LGR6: variants seen among roughly 807,000 people sequenced by gnomAD.
The protein encoded by LGR6 is leucine-rich repeat-containing G protein-coupled receptor 6.
Under a neutral mutation model 69.4 loss-of-function variants are expected in LGR6, and 45 were observed. That is an observed-to-expected ratio of 0.65 (90% CI 0.51 to 0.83). The LOEUF (loss-of-function observed/expected upper bound fraction) is 0.83. LGR6 is among the 40% of genes least tolerant of loss of function. The pLI is 0.00. For missense variants in LGR6, 1,108 were observed against 1,246.7 expected (o/e 0.89, Z 1.68); for synonymous variants, 538 against 555.0 (o/e 0.97, Z 0.43).
intron 1 of LGR6, among the ~76,000 whole-genome samples, chr1:202,202,307 A>G (rs1658866659): frequency 6.6e-6 from 1 of 152,102 alleles, no homozygotes; most frequent in African/African-American, 2.4e-5. Flanking sequence ...ACAGACACAC[A>G]CATACACAAA....
At position 202,212,546 on chromosome 1, in the gene LGR6, T is replaced by C. The variant is rs1222070273; in HGVS notation, c.213-12877T>C. On this transcript the variant is annotated intron_variant, in intron 1 of 17. Coordinates refer to ENST00000367278, the MANE Select transcript of LGR6 (RefSeq NM_001017403.2). ...TCAATGGCTCTAGGGGAGAACCCAC[T>C]GCGTGCCTCTTCCAGCTTCTCGTGG... Among the ~76,000 whole-genome samples, 3 of 152,242 alleles carry C rather than the reference T, an allele frequency of 2.0e-5. No individual in the cohort carries two copies. The East Asian group carries it at 5.8e-4, about 29-fold the overall frequency.
At chr1:202,309,782 A>AGTGAAG (rs1451349204) in intron 15 of LGR6, among the ~76,000 whole-genome samples, 2 of 152,252 alleles carry the variant, frequency 1.3e-5, no homozygotes, top group Non-Finnish European at 2.9e-5. Context: ...TGAGGGCCAG[A>AGTGAAG]GTGAAGAATC....
At chr1:202,277,056 G>C (rs1007262184) in intron 5 of LGR6, among the ~76,000 whole-genome samples, 1 of 152,100 alleles carries the variant, frequency 6.6e-6, no homozygotes, top group South Asian at 2.1e-4. Flanking sequence ...GGTTAACTCT[G>C]CCTCCCCAGT....
At chr1:202,304,884 A>AT (rs1300297788) in intron 11 of LGR6, among the ~76,000 whole-genome samples, 2 of 152,192 alleles carry the variant, frequency 1.3e-5, no homozygotes, top group Non-Finnish European at 1.5e-5. Flanking sequence ...ATGGGAGTCA[A>AT]TTTGTAAGGG....
intron 4 of LGR6, among the ~76,000 whole-genome samples, chr1:202,261,704 T>A (rs1443087810): frequency 6.6e-6 from 1 of 152,220 alleles, no homozygotes; most frequent in African/African-American, 2.4e-5. Flanking sequence ...CCACCAACAG[T>A]GTAAAAGTAT....
intron 6 of LGR6, among the ~76,000 whole-genome samples, chr1:202,296,732 G>A (rs1472448432): frequency 6.6e-6 from 1 of 152,234 alleles, no homozygotes; most frequent in Non-Finnish European, 1.5e-5. Context: ...TGCCTAAGCA[G>A]TGCTGTTCTG....
At chr1:202,283,316 T>C (rs944142940) in intron 6 of LGR6, among the ~76,000 whole-genome samples, 1 of 152,114 alleles carries the variant, frequency 6.6e-6, no homozygotes, top group Non-Finnish European at 1.5e-5. Context: ...CCCCAGAGCA[T>C]TTGCTGGGGA....
At chr1:202,210,616 A>G (rs1367777317) in intron 1 of LGR6, 1 of 152,204 alleles carries the variant, frequency 6.6e-6, no homozygotes, top group African/African-American at 2.4e-5. Flanking sequence ...GAGCCTCTTA[A>G]GCTGCCAGCC....
intron 4 of LGR6, among the ~76,000 whole-genome samples, chr1:202,275,227 G>T (rs1387659441): frequency 6.6e-6 from 1 of 152,140 alleles, no homozygotes; most frequent in Non-Finnish European, 1.5e-5. Flanking sequence ...GAGGACCATG[G>T]CTCAGGGCTA....
chr1:202,314,675 T>A (rs1654006310), intron 16 of LGR6, 127 bp from the exon 17 acceptor site: 3 of 680,202 alleles, frequency 4.4e-6, no homozygotes, highest in Non-Finnish European at 8.1e-6. Flanking sequence ...ATGTGCCGGG[T>A]TGCTAGAATG....
intron 4 of LGR6, among the ~76,000 whole-genome samples, chr1:202,274,117 G>C (rs1000486945): frequency 4.6e-5 from 7 of 152,144 alleles, no homozygotes; most frequent in Non-Finnish European, 1.0e-4. Context: ...GGGTGTCAAA[G>C]CAGGACAGCC....
chr1:202,266,749 C>T (rs1664696490), intron 4 of LGR6, among the ~76,000 whole-genome samples: 1 of 152,070 alleles, frequency 6.6e-6, no homozygotes, highest in African/African-American at 2.4e-5. Context: ...TTCAGTTATT[C>T]CTCAAGACTC....
chr1:202,199,830 A>G (rs1658777227), intron 1 of LGR6, among the ~76,000 whole-genome samples: 4 of 152,256 alleles, frequency 2.6e-5, no homozygotes, highest in Admixed American at 2.6e-4. Flanking sequence ...CACTAATAGT[A>G]TCTACCTCAA....
intron 4 of LGR6, among the ~76,000 whole-genome samples, chr1:202,256,934 G>A (rs1216692611): frequency 1.3e-5 from 2 of 152,014 alleles, no homozygotes; most frequent in Admixed American, 1.3e-4. Flanking sequence ...ATCTCGTTGT[G>A]GTTCTGATTT....
At chr1:202,310,432 C>A in intron 16 of LGR6, 75 bp downstream of exon 16, 1 of 1,429,470 alleles carries the variant, frequency 7.0e-7, no homozygotes, top group South Asian at 1.2e-5. Context: ...GCTTGGGGGA[C>A]CTGAGAGGGA....
At chr1:202,316,682 T>C (rs1392498205) in intron 17 of LGR6, among the ~76,000 whole-genome samples, 2 of 152,230 alleles carry the variant, frequency 1.3e-5, no homozygotes, top group Non-Finnish European at 2.9e-5. Context: ...TTTAATGTTT[T>C]CATGTTATAT....
intron 4 of LGR6, among the ~76,000 whole-genome samples, chr1:202,272,325 C>G (rs1415403782): frequency 6.6e-6 from 1 of 152,218 alleles, no homozygotes; most frequent in East Asian, 1.9e-4. Context: ...GTGTAAACGC[C>G]CCGTCTCTCT....
chr1:202,282,679 A>G (rs1461002866), intron 6 of LGR6, among the ~76,000 whole-genome samples: 3 of 152,196 alleles, frequency 2.0e-5, no homozygotes, highest in Non-Finnish European at 2.9e-5. Flanking sequence ...GGGGGTACAT[A>G]CACTGACTAT....
At chr1:202,241,459 G>A (rs1558029046) in intron 4 of LGR6, among the ~76,000 whole-genome samples, 1 of 152,212 alleles carries the variant, frequency 6.6e-6, no homozygotes, top group African/African-American at 2.4e-5. Flanking sequence ...CCAGCTGAAT[G>A]TGGTACACAA....
Sources: allele counts gnomAD v4.1 joint callset (sites outside exome capture counted in the v4.1 genomes callset), GRCh38; gene constraint gnomAD v4.1.1; transcripts MANE v1.5; gene names NCBI Gene and HGNC (gene_info 2026-07-23, HGNC 2026-07-21).